The following PTBP1 variants were observed in gnomAD, a reference collection of about 807,000 sequenced individuals.
PTBP1 encodes polypyrimidine tract-binding protein 1.
In PTBP1, 8 loss-of-function variants were observed where a neutral mutation model predicts 59.8. That is an observed-to-expected ratio of 0.13 (90% CI 0.08 to 0.24). PTBP1 has a LOEUF of 0.24. PTBP1 is among the 10% of genes least tolerant of loss of function. The pLI, the probability that PTBP1 is intolerant of heterozygous loss-of-function variation, is 1.00. For synonymous variants in PTBP1, 490 were observed against 320.7 expected (o/e 1.53, Z -5.64); for missense variants, 686 against 767.0 (o/e 0.89, Z 1.25).
In PTBP1 at chr19:803,655, C is replaced by T; in HGVS notation, c.115+19C>T. 3 of 1,609,350 alleles carry T rather than the reference C, an allele frequency of 1.9e-6. No homozygotes were observed. Among genetic ancestry groups the T allele is most frequent in the Non-Finnish European group, 2.6e-6 (3 of 1,175,804 alleles). ...TCTGCAGGTAAGGCCGGGACTCGGCCCAGGGCAAGACCCGTGGGTGTCTTT... is the reference window on the plus strand; with the variant it reads ...TCTGCAGGTAAGGCCGGGACTCGGCTCAGGGCAAGACCCGTGGGTGTCTTT... On this transcript the variant is annotated intron_variant, in intron 3 of 14. Transcript: ENST00000356948.
intron 13 of PTBP1, among the ~76,000 whole-genome samples, chr19:809,242 T>C (rs62131357): frequency 0.049 from 7,396 of 152,182 alleles, 248 homozygotes; most frequent in Middle Eastern, 0.13. Flanking sequence ...CTCCTGACCT[T>C]GTGATCCGCC....
chr19:800,242 G>GTATCTT lies in PTBP1; in HGVS notation c.39+801_39+806dup, dbSNP rs2034274566. On this transcript the variant is annotated intron_variant, in intron 2 of 14. Transcript: ENST00000356948. ...AGCCGCCAGACCCGGCTGACATTAA[G>GTATCTT]TATCTTTGATGGCATCTGGTTAGAA... Among the ~76,000 whole-genome samples the GTATCTT allele has an allele frequency of 2.6e-5, 4 of 152,044 alleles. No homozygotes were observed. In the South Asian group the frequency reaches 8.3e-4, roughly 32 times the overall value.
At position 804,357 on chromosome 19, in the gene PTBP1, C is replaced by A. The variant is rs1279436733; in HGVS notation, c.354C>A (p.Thr118=). 8 of 1,613,242 alleles carry A rather than the reference C, an allele frequency of 5.0e-6. No homozygotes were observed. The East Asian group carries it at 1.6e-4, about 31-fold the overall frequency. ...TGGTGAACTACTACACCTCGGTGAC[C>A]CCTGTGCTGCGCGGCCAGCCCATCT... ...NTMVNYYTSV[T]PVLRGQPIYI... Residue 118 remains threonine, a synonymous_variant, in exon 5 of 15, where the codon ACC becomes ACA. Coordinates refer to ENST00000356948, the MANE Select transcript of PTBP1 (RefSeq NM_002819.5).
chr19:804,560 A>G lies in PTBP1; in HGVS notation c.464A>G (p.Asn155Ser). Residue 155 changes from asparagine to serine, a missense_variant, in exon 6 of 15, where the codon AAC becomes AGC. Transcript: ENST00000356948. The part of the protein sequence containing the change: ...ARAQAALQAV[N>S]SVQSGNLALA... ...GCCCAGGCGGCCCTGCAGGCGGTGA[A>G]CTCGGTCCAGTCGGGGAACCTGGCC... 6.2e-7 allele frequency: 1 copy of G among 1,607,928 alleles called. No individual in the cohort carries two copies. Among genetic ancestry groups the G allele is most frequent in the Non-Finnish European group, 8.5e-7 (1 of 1,178,736 alleles).
Position 805,120 on chromosome 19 carries a change from C to T in PTBP1, c.825C>T (p.Tyr275=). Residue 275 remains tyrosine, a synonymous_variant, in exon 8 of 15, where the codon TAC becomes TAT. Transcript: ENST00000356948. ...ACAACAATGACAAGAGCCGTGACTA[C>T]ACACGCCCAGACCTGCCTTCCGGGG... ...VKYNNDKSRD[Y]TRPDLPSGDS... is the part of the protein sequence containing the mutation. 1 of 1,613,884 alleles carries T rather than the reference C, an allele frequency of 6.2e-7. No individual in the cohort carries two copies. The highest frequency in any genetic ancestry group is 8.5e-7 in the Non-Finnish European group (1 of 1,179,886).
chr19:799,317 A>C, intron 1 of PTBP1, 96 bp from the exon 2 acceptor site: 3 of 1,130,152 alleles, frequency 2.7e-6, no homozygotes, highest in South Asian at 2.5e-5. Context: ...TGGCAGCTGC[A>C]GGGACCTACG....
chr19:806,466 G>A lies in PTBP1; in HGVS notation c.1029G>A (p.Ala343=), dbSNP rs200741107. 46 of 1,595,610 alleles carry A rather than the reference G, an allele frequency of 2.9e-5. No individual in the cohort carries two copies. The African/African-American group carries it at 5.8e-4, about 20-fold the overall frequency. ...ALAPLAIPSA[A]AAAAAAGRIA... ...CCCCCCTGGCCATCCCCTCGGCGGC[G>A]GCGGCAGCTGCGGCGGCAGGTCGGA... Residue 343 remains alanine, a synonymous_variant, in exon 10 of 15, where the codon GCG becomes GCA. Coordinates refer to ENST00000356948, the MANE Select transcript of PTBP1 (RefSeq NM_002819.5).
At position 805,501 on chromosome 19, in the gene PTBP1, G is replaced by C. The variant is rs1263141233; in HGVS notation, c.902G>C (p.Gly301Ala). ...TCTCATTTATTTCTAGGTGCACCTG[G>C]TATAATCTCAGCCTCTCCGTATGCA... ...QTMAAAFGAP[G>A]IISASPYAGA... is the part of the protein sequence containing the mutation. The change falls in exon 9 of 15, where the codon GGT (glycine) becomes GCT (alanine). Residue 301 changes from glycine to alanine, a missense_variant. By Grantham distance (60) the Gly-to-Ala change is moderately conservative (BLOSUM62 0). Transcript: ENST00000356948. The C allele has an allele frequency of 1.2e-6, 2 of 1,613,398 alleles. No individual in the cohort carries two copies.
rs1218965300 is a variant in PTBP1 at position 803,892 on chromosome 19, C to T, written c.116-144C>T. ...GGGGTCCTGACTGTGCAGGTCTTGG[C>T]CTCTCGCGCTGCTGGTTCACATGCA... On this transcript the variant is annotated intron_variant, in intron 3 of 14. Transcript: ENST00000356948. 8 of 977,212 alleles carry T rather than the reference C, an allele frequency of 8.2e-6. No homozygotes were observed. The African/African-American group carries it at 1.2e-4, about 14-fold the overall frequency. The allele number at this position is 977,212 out of a possible 1,614,324, so 60.5% of individuals were successfully genotyped here.
rs1368005295 is a variant in PTBP1, at chr19:805,560, C to T, written c.961C>T (p.Gln321Ter). The T allele has an allele frequency of 6.2e-7, 1 of 1,613,500 alleles. No individual in the cohort carries two copies. Residue 321 changes from glutamine (Q) to a stop codon, truncating the protein, a stop_gained, in exon 9 of 15, where the codon CAA becomes TAA. Coordinates refer to ENST00000356948, the MANE Select transcript of PTBP1 (RefSeq NM_002819.5). LOFTEE classifies it high-confidence loss of function. ...TTTCCCTCCCACCTTTGCCATTCCT[C>T]AAGCTGCAGGTATTCAAACGCTTGG... ...AGFPPTFAIP[Q>*]AAGLSVPNVH... is the part of the protein sequence containing the mutation.
intron 6 of PTBP1, 46 bp downstream of exon 6, chr19:804,748 G>C (rs756413724): frequency 5.0e-6 from 8 of 1,610,064 alleles, no homozygotes; most frequent in Admixed American, 1.7e-5. Context: ...TGCTATTGCT[G>C]TGGGCACAGG....
In PTBP1 at chr19:797,467, C is replaced by G; in HGVS notation, c.-31C>G. 6.3e-7 allele frequency: 1 copy of G among 1,597,574 alleles called. No homozygotes were observed. Among genetic ancestry groups the G allele is most frequent in the Non-Finnish European group, 8.5e-7 (1 of 1,174,988 alleles). ...GGTTCCTGCTATTCCGGCGCCTCCA[C>G]TCCGTCCCCCGCGGGTCTGCTCTGT... On this transcript the variant is annotated 5_prime_UTR_variant, in exon 1 of 15. Coordinates refer to ENST00000356948, the MANE Select transcript of PTBP1 (RefSeq NM_002819.5).
intron 1 of PTBP1, 24 bp from the exon 2 acceptor site, chr19:799,389 T>A: frequency 1.9e-6 from 3 of 1,613,312 alleles, no homozygotes; most frequent in Non-Finnish European, 2.5e-6. Context: ...AGGCTAACGT[T>A]GTCTCCTTTC....
At chr19:804,737 C>T (rs1263257771) in intron 6 of PTBP1, 35 bp downstream of exon 6, 3 of 1,609,400 alleles carry the variant, frequency 1.9e-6, no homozygotes, top group Admixed American at 3.3e-5. Flanking sequence ...GGCAGGTCGG[C>T]TGCTATTGCT....
At position 799,279 on chromosome 19, in the gene PTBP1, C is replaced by G. The variant is rs112541736; in HGVS notation, c.9-134C>G. The G allele has an allele frequency of 7.0e-4, 583 of 830,900 alleles. 1 individual carries two copies. In the African/African-American group the frequency reaches 8.0e-3, roughly 11 times the overall value. The allele number at this position is 830,900 out of a possible 1,614,324, so 51.5% of individuals were successfully genotyped here. Reference sequence around the variant, plus strand: ...TTCTGAGCTTTCTCTAGCGGGGCCTCGTGCAGCCAGAGGGAGCCCTGCGGA... The same window carrying G: ...TTCTGAGCTTTCTCTAGCGGGGCCTGGTGCAGCCAGAGGGAGCCCTGCGGA... On this transcript the variant is annotated intron_variant, in intron 1 of 14. Coordinates refer to ENST00000356948, the MANE Select transcript of PTBP1 (RefSeq NM_002819.5).
In PTBP1 at chr19:810,925, G is replaced by A; in HGVS notation, c.*99G>A. Reference sequence around the variant, plus strand: ...GCTGAAGTGACCTTAGCAGACCAGAGATTTTATTTTTTTAAAGAGAAATCA... The same window carrying A: ...GCTGAAGTGACCTTAGCAGACCAGAAATTTTATTTTTTTAAAGAGAAATCA... On this transcript the variant is annotated 3_prime_UTR_variant, in exon 15 of 15. Coordinates refer to ENST00000356948, the MANE Select transcript of PTBP1 (RefSeq NM_002819.5). 8.3e-7 allele frequency: 1 copy of A among 1,207,032 alleles called. No individual in the cohort carries two copies. The highest frequency in any genetic ancestry group is 1.1e-6 in the Non-Finnish European group (1 of 898,980). 74.8% of individuals were successfully genotyped at this position (1,207,032 alleles called of 1,614,324 possible).
intron 2 of PTBP1, 142 bp downstream of exon 2, chr19:799,585 T>C (rs1332000392): frequency 1.1e-6 from 1 of 871,552 alleles, no homozygotes; most frequent in Non-Finnish European, 1.9e-6. Context: ...GAATCTGGAG[T>C]TGGGCGGTAG....
chr19:805,600 C>T (rs367687299), intron 9 of PTBP1, 31 bp downstream of exon 9: 8 of 1,563,842 alleles, frequency 5.1e-6, no homozygotes, highest in Middle Eastern at 3.4e-4. Flanking sequence ...GGTTCCCCAG[C>T]GACTGCATGC....
chr19:803,731 A>C, intron 3 of PTBP1, 95 bp downstream of exon 3: 1 of 1,145,242 alleles, frequency 8.7e-7, no homozygotes. Flanking sequence ...TCCATCTCCA[A>C]CTGCAGGGGC....
Sources: allele counts gnomAD v4.1 joint callset (sites outside exome capture counted in the v4.1 genomes callset), GRCh38; gene constraint gnomAD v4.1.1; transcripts MANE v1.5; gene names NCBI Gene and HGNC (gene_info 2026-07-23, HGNC 2026-07-21).